Variants in FER observed in about 807,000 individuals in gnomAD.
FER encodes the protein FER tyrosine kinase.
A neutral mutation model predicts 111.0 loss-of-function variants in FER; 63 were observed. That is an observed-to-expected ratio of 0.57 (90% CI 0.46 to 0.70). The LOEUF (loss-of-function observed/expected upper bound fraction) is 0.70. FER is among the 30% of genes least tolerant of loss of function. FER has a pLI of 0.00. For synonymous variants in FER, 327 were observed against 313.9 expected, an observed-to-expected ratio of 1.04 and a Z score of -0.44; for missense variants, 914 against 954.0, an observed-to-expected ratio of 0.96 and a Z score of 0.55.
intron 19 of FER, 126 bp downstream of exon 19, chr5:109,186,448 G>A: frequency 1.4e-6 from 2 of 1,384,358 alleles, no homozygotes; most frequent in East Asian, 2.3e-5. Flanking sequence ...CCATCTCTGG[G>A]GTTCAGAAGC....
intron 8 of FER, among the ~76,000 whole-genome samples, chr5:108,878,979 A>G (rs1227369753): frequency 5.9e-5 from 9 of 152,096 alleles, no homozygotes; most frequent in African/African-American, 1.9e-4. Context: ...GTGACGGTGG[A>G]CAAGAGCTTT....
At chr5:108,774,054 C>T (rs71592766) in intron 2 of FER, among the ~76,000 whole-genome samples, 9,220 of 151,904 alleles carry the variant, frequency 0.061, 317 homozygotes, top group Middle Eastern at 0.075. Flanking sequence ...CTCCCCTCAC[C>T]TCCTCACCCC....
intron 1 of FER, among the ~76,000 whole-genome samples, chr5:108,765,270 A>T (rs965753140): frequency 6.6e-6 from 1 of 152,194 alleles, no homozygotes; most frequent in Non-Finnish European, 1.5e-5. Flanking sequence ...CCATTTAGAG[A>T]TGCCACCAAA....
chr5:109,091,126 G>A (rs950340292), intron 16 of FER, among the ~76,000 whole-genome samples: 1 of 152,228 alleles, frequency 6.6e-6, no homozygotes, highest in African/African-American at 2.4e-5. Context: ...CTGGATGGAA[G>A]GAAGACAGAG....
At chr5:108,969,404 C>G (rs1760324939) in intron 13 of FER, among the ~76,000 whole-genome samples, 1 of 152,090 alleles carries the variant, frequency 6.6e-6, no homozygotes. Flanking sequence ...ATACAAAGAA[C>G]TAAGCTGCAA....
chr5:109,008,062 G>C (rs1765724289), intron 13 of FER, among the ~76,000 whole-genome samples: 1 of 152,184 alleles, frequency 6.6e-6, no homozygotes, highest in African/African-American at 2.4e-5. Flanking sequence ...GGTTATTTGT[G>C]ATCTGTATGT....
At chr5:109,065,643 C>T (rs1229981614) in intron 16 of FER, among the ~76,000 whole-genome samples, 1 of 152,054 alleles carries the variant, frequency 6.6e-6, no homozygotes, top group Non-Finnish European at 1.5e-5. Context: ...AGCACGTGAG[C>T]CCAGGGGTTC....
chr5:108,867,341 C>T (rs994754348), intron 5 of FER, among the ~76,000 whole-genome samples: 1 of 152,022 alleles, frequency 6.6e-6, no homozygotes, highest in Non-Finnish European at 1.5e-5. Flanking sequence ...TTGTCTTCTC[C>T]ACAAAGCCTC....
At chr5:108,836,979 T>G (rs545195922) in intron 5 of FER, among the ~76,000 whole-genome samples, 1 of 152,278 alleles carries the variant, frequency 6.6e-6, no homozygotes, top group South Asian at 2.1e-4. Context: ...TTATTTGTCA[T>G]GTAACTCAGC....
chr5:108,770,357 C>T (rs1057130003), intron 2 of FER, among the ~76,000 whole-genome samples: 2 of 152,210 alleles, frequency 1.3e-5, no homozygotes, highest in South Asian at 4.1e-4. Context: ...GTCTACTATC[C>T]CTTGTGCTCT....
intron 9 of FER, among the ~76,000 whole-genome samples, chr5:108,886,096 T>G: frequency 6.6e-6 from 1 of 152,004 alleles, no homozygotes; most frequent in African/African-American, 2.4e-5. Flanking sequence ...GAAAGAAAAT[T>G]GAAAGTGCTA....
At chr5:108,882,145 T>C (rs1765744450) in intron 8 of FER, among the ~76,000 whole-genome samples, 3 of 152,138 alleles carry the variant, frequency 2.0e-5, no homozygotes, top group African/African-American at 2.4e-5. Context: ...ACAGACTTTG[T>C]GCATATTGTA....
At chr5:109,016,803 A>G (rs1159457970) in intron 13 of FER, among the ~76,000 whole-genome samples, 3 of 152,054 alleles carry the variant, frequency 2.0e-5, no homozygotes, top group Non-Finnish European at 2.9e-5. Context: ...TCTCAGATTC[A>G]TATGTTGAAC....
At chr5:109,021,717 G>A (rs968555467) in intron 13 of FER, among the ~76,000 whole-genome samples, 2 of 151,948 alleles carry the variant, frequency 1.3e-5, no homozygotes, top group African/African-American at 2.4e-5. Flanking sequence ...TGTCTTCTAT[G>A]AATAAGATTA....
chr5:108,782,675 G>T (rs945120453), intron 2 of FER: 1 of 151,880 alleles, frequency 6.6e-6, no homozygotes, highest in Non-Finnish European at 1.5e-5. Context: ...ATGGGGTCGC[G>T]CTTTGTTGCC....
At chr5:109,129,816 T>C (rs1308752351) in intron 17 of FER, among the ~76,000 whole-genome samples, 1 of 152,036 alleles carries the variant, frequency 6.6e-6, no homozygotes, top group Non-Finnish European at 1.5e-5. Flanking sequence ...GAGTTTGTCT[T>C]AAGGCAATAA....
At chr5:108,787,242 A>T (rs1754839874) in intron 2 of FER, among the ~76,000 whole-genome samples, 1 of 152,206 alleles carries the variant, frequency 6.6e-6, no homozygotes, top group Non-Finnish European at 1.5e-5. Context: ...AGGTATGTGC[A>T]TGCTCAGAGT....
intron 13 of FER, among the ~76,000 whole-genome samples, chr5:109,030,699 C>T (rs1769471924): frequency 6.6e-6 from 1 of 152,148 alleles, no homozygotes; most frequent in South Asian, 2.1e-4. Flanking sequence ...GTAGACTTCT[C>T]CTGCCTCTGA....
chr5:108,755,661 T>A (rs890944454), intron 1 of FER, among the ~76,000 whole-genome samples: 5 of 151,626 alleles, frequency 3.3e-5, no homozygotes, highest in African/African-American at 1.2e-4. Context: ...AATTTTTTTG[T>A]ATTTAGTAGA....
Sources: gnomAD v4.1 joint callset for allele counts (sites outside exome capture counted in the v4.1 genomes callset) on GRCh38, gnomAD v4.1.1 for gene constraint, MANE v1.5 for transcripts, NCBI Gene and HGNC (gene_info 2026-07-23, HGNC 2026-07-21) for gene names.